The following UNC45B variants were observed in gnomAD, a reference collection of about 807,000 sequenced individuals.
The protein encoded by UNC45B is protein unc-45 homolog B.
In UNC45B, 78 loss-of-function variants were observed where a neutral mutation model predicts 98.7. The ratio of observed to expected loss-of-function variants is 0.79; its 90% CI spans 0.66 to 0.95. The LOEUF (loss-of-function observed/expected upper bound fraction) is 0.95. Among genes scored for constraint, UNC45B ranks in the 40% least tolerant of loss-of-function variants. The pLI, the probability that UNC45B is intolerant of heterozygous loss-of-function variation, is 0.00. For missense variants in UNC45B, 1,225 were observed against 1,184.9 expected, an observed-to-expected ratio of 1.03 and a Z score of -0.50; for synonymous variants, 462 against 480.4, an observed-to-expected ratio of 0.96 and a Z score of 0.50.
rs1678355948 is a variant in UNC45B at position 35,186,908 on chromosome 17, T to A, written c.*349T>A. 4.2e-6 allele frequency: 1 copy of A among 238,598 alleles called. No individual in the cohort carries two copies. Among genetic ancestry groups the A allele is most frequent in the African/African-American group, 2.3e-5 (1 of 44,220 alleles). The allele number at this position is 238,598 out of a possible 1,614,324, so 14.8% of individuals were successfully genotyped here. A position where few individuals can be genotyped will look rare whatever the true frequency, so the allele number is the denominator to read the frequency against. On this transcript the variant is annotated 3_prime_UTR_variant, in exon 20 of 20. Transcript: ENST00000394570. ...GTTCTTTATATTTTGGAAAATGGATTTTGTGGTAAGGTAGGAACTAACGGG... is the reference window on the plus strand; with the variant it reads ...GTTCTTTATATTTTGGAAAATGGATATTGTGGTAAGGTAGGAACTAACGGG...
At chr17:35,164,198 CT>C in intron 9 of UNC45B, 32 bp downstream of exon 9, 1 of 1,584,622 alleles carries the variant, frequency 6.3e-7, no homozygotes, top group Non-Finnish European at 8.6e-7. Flanking sequence ...CAGGGTCAGG[CT>C]CTGTCTTGGT....
At chr17:35,158,914 A>G (rs1489437148) in intron 7 of UNC45B, among the ~76,000 whole-genome samples, 1 of 152,238 alleles carries the variant, frequency 6.6e-6, no homozygotes, top group Non-Finnish European at 1.5e-5. Flanking sequence ...AAGATCTACC[A>G]GTGGGCAGGA....
At chr17:35,168,475 G>A (rs940239911) in intron 10 of UNC45B, 114 bp downstream of exon 10, 4 of 911,578 alleles carry the variant, frequency 4.4e-6, no homozygotes, top group African/African-American at 3.4e-5. Context: ...GGTTCAAGGG[G>A]GCACCAGACC....
chr17:35,168,931 T>C (rs1408342572), intron 10 of UNC45B, among the ~76,000 whole-genome samples: 1 of 152,146 alleles, frequency 6.6e-6, no homozygotes, highest in East Asian at 1.9e-4. Context: ...GGTCCTGAAC[T>C]CCTGACCTCA....
In UNC45B at chr17:35,169,791, G is replaced by A. The variant is rs993694314; in HGVS notation, c.1453-46G>A. On this transcript the variant is annotated intron_variant, in intron 10 of 19. Coordinates refer to ENST00000394570, the MANE Select transcript of UNC45B (RefSeq NM_001267052.2). ...GAGCAAGGCTTCATCCCCAAGCCTT[G>A]GTGTCTCTGATCCTGCATGTGTCTG... 3 of 1,556,320 alleles carry A rather than the reference G, an allele frequency of 1.9e-6. No homozygotes were observed. The Admixed American group carries it at 5.0e-5, about 26-fold the overall frequency.
At chr17:35,171,591 A>G in intron 13 of UNC45B, 129 bp downstream of exon 13, 1 of 1,006,254 alleles carries the variant, frequency 9.9e-7, no homozygotes, top group Non-Finnish European at 1.4e-6. Flanking sequence ...TAAGATACAC[A>G]TACATTGAAT....
intron 13 of UNC45B, 128 bp downstream of exon 13, chr17:35,171,590 C>A: frequency 9.4e-7 from 1 of 1,060,360 alleles, no homozygotes; most frequent in Non-Finnish European, 1.3e-6. Context: ...GTAAGATACA[C>A]ATACATTGAA....
At chr17:35,162,690 C>G (rs548402054) in intron 8 of UNC45B, among the ~76,000 whole-genome samples, 4 of 152,266 alleles carry the variant, frequency 2.6e-5, no homozygotes, top group Non-Finnish European at 4.4e-5. Flanking sequence ...CCTGAGTTCT[C>G]CTGCCTCAGT....
chr17:35,157,615 G>A (rs1426927145), intron 7 of UNC45B, among the ~76,000 whole-genome samples: 1 of 152,122 alleles, frequency 6.6e-6, no homozygotes, highest in Non-Finnish European at 1.5e-5. Context: ...TTTCTGAGAG[G>A]CTGCATCAAT....
intron 5 of UNC45B, among the ~76,000 whole-genome samples, chr17:35,153,304 G>A (rs760420594): frequency 2.7e-4 from 41 of 151,974 alleles, no homozygotes; most frequent in Non-Finnish European, 5.0e-4. Flanking sequence ...TGAGTTCTTT[G>A]GTGCCCCTTT....
At chr17:35,171,239 C>T (rs2142570926) in intron 12 of UNC45B, 83 bp from the exon 13 acceptor site, 21 of 1,551,438 alleles carry the variant, frequency 1.4e-5, no homozygotes, top group Non-Finnish European at 1.7e-5. Context: ...ACCTGCCGGC[C>T]ACGTGAGGGA....
At chr17:35,184,295 T>A (rs1719586937) in intron 19 of UNC45B, among the ~76,000 whole-genome samples, 1 of 152,232 alleles carries the variant, frequency 6.6e-6, no homozygotes, top group Admixed American at 6.5e-5. Context: ...ATGTAGCTCA[T>A]CCTGCATGGT....
At chr17:35,164,442 G>A in intron 9 of UNC45B, 1 of 275,144 alleles carries the variant, frequency 3.6e-6, no homozygotes, top group Non-Finnish European at 6.8e-6. Context: ...CACTGGTGCT[G>A]GCTGTTGGTG....
chr17:35,163,016 C>T (rs1322445607), intron 8 of UNC45B, among the ~76,000 whole-genome samples: 2 of 152,166 alleles, frequency 1.3e-5, no homozygotes, highest in South Asian at 2.1e-4. Flanking sequence ...GGATTGGGAG[C>T]GTGTCCTTGC....
intron 18 of UNC45B, among the ~76,000 whole-genome samples, chr17:35,182,486 T>C (rs2092280246): frequency 1.3e-5 from 2 of 152,084 alleles, no homozygotes; most frequent in South Asian, 4.1e-4. Flanking sequence ...TCCATTCTGA[T>C]GGTGAATGGG....
At chr17:35,159,983 T>C (rs1378664217) in intron 8 of UNC45B, among the ~76,000 whole-genome samples, 2 of 152,188 alleles carry the variant, frequency 1.3e-5, no homozygotes, top group African/African-American at 4.8e-5. Flanking sequence ...AGAAGTTTAT[T>C]TTGCCAAGAT....
Position 35,174,346 on chromosome 17 carries a change from C to A in UNC45B, c.1935C>A (p.Asp645Glu), listed in dbSNP as rs199575161. Residue 645 changes from aspartate (D) to glutamate (E), a missense_variant, in exon 14 of 20, where the codon GAC becomes GAA. Coordinates refer to ENST00000394570, the MANE Select transcript of UNC45B (RefSeq NM_001267052.2). ...AAGCAGATAGTGCCATCCTCACTGA[C>A]CAGACCAAGGAGCTGCTGGCCAGGT... The part of the protein sequence containing the change: ...MVKADSAILT[D>E]QTKELLARVF... 1.2e-5 allele frequency: 20 copies of A among 1,614,046 alleles called. No homozygotes were observed. Among genetic ancestry groups the A allele is most frequent in the Middle Eastern group, 3.3e-4 (2 of 6,084 alleles).
chr17:35,170,360 C>T, intron 12 of UNC45B, 105 bp downstream of exon 12: 2 of 1,327,686 alleles, frequency 1.5e-6, no homozygotes, highest in Non-Finnish European at 2.0e-6. Context: ...CTACTCCTTA[C>T]CCCTGTATAA....
At chr17:35,153,953 G>T (rs1005685285) in intron 5 of UNC45B, among the ~76,000 whole-genome samples, 30 of 152,202 alleles carry the variant, frequency 2.0e-4, no homozygotes, top group Middle Eastern at 3.4e-3. Flanking sequence ...GGCTTTAGGT[G>T]GGAAGAGACT....
Sources: gnomAD v4.1 joint callset for allele counts (sites outside exome capture counted in the v4.1 genomes callset) on GRCh38, gnomAD v4.1.1 for gene constraint, MANE v1.5 for transcripts, NCBI Gene and HGNC (gene_info 2026-07-23, HGNC 2026-07-21) for gene names.